KDM4C: variants seen among roughly 807,000 people sequenced by gnomAD.
KDM4C encodes the protein lysine demethylase 4C.
KDM4C carries 81 observed loss-of-function variants against 129.3 expected under a neutral mutation model. The observed-to-expected ratio is 0.63, with a 90% CI of 0.52 to 0.75. The LOEUF is 0.75. Ranked by LOEUF, KDM4C falls within the 30% of genes least tolerant of loss-of-function variation. The pLI, the probability that KDM4C is intolerant of heterozygous loss-of-function variation, is 0.00. For synonymous variants in KDM4C, 573 were observed against 456.1 expected, an observed-to-expected ratio of 1.26 and a Z score of -3.26; for missense variants, 1,457 against 1,304.0, an observed-to-expected ratio of 1.12 and a Z score of -1.81.
chr9:6,928,306 C>T (rs1256929195), intron 8 of KDM4C, among the ~76,000 whole-genome samples: 3 of 152,228 alleles, frequency 2.0e-5, no homozygotes, highest in Non-Finnish European at 2.9e-5. Flanking sequence ...GTCCTGAACT[C>T]GCCCCTCTTT....
intron 19 of KDM4C, among the ~76,000 whole-genome samples, chr9:7,142,052 C>T (rs903929589): frequency 2.6e-5 from 4 of 152,180 alleles, no homozygotes; most frequent in Non-Finnish European, 5.9e-5. Context: ...CATCTTGACA[C>T]ACGAACATTT....
intron 19 of KDM4C, among the ~76,000 whole-genome samples, chr9:7,129,323 A>G (rs543248207): frequency 2.6e-5 from 4 of 152,308 alleles, no homozygotes; most frequent in South Asian, 4.2e-4. Flanking sequence ...ACCTCTCTCT[A>G]TGCTGGTAAG....
chr9:6,919,594 G>T (rs1446559514), intron 8 of KDM4C, among the ~76,000 whole-genome samples: 3 of 141,154 alleles, frequency 2.1e-5, no homozygotes, highest in South Asian at 2.3e-4. Flanking sequence ...TATCTATCTA[G>T]GATGGAGTTT....
intron 17 of KDM4C, among the ~76,000 whole-genome samples, chr9:7,070,106 A>T (rs1484572099): frequency 6.6e-6 from 1 of 152,238 alleles, no homozygotes; most frequent in African/African-American, 2.4e-5. Flanking sequence ...TAGTTGTTAC[A>T]GTTTGGAAAC....
intron 19 of KDM4C, among the ~76,000 whole-genome samples, chr9:7,159,838 T>G (rs554872865): frequency 2.0e-5 from 3 of 152,196 alleles, no homozygotes; most frequent in African/African-American, 7.2e-5. Context: ...GGAGTATCTT[T>G]GTGGTGTTCT....
At chr9:6,949,778 C>T (rs753558573) in intron 8 of KDM4C, among the ~76,000 whole-genome samples, 4 of 152,150 alleles carry the variant, frequency 2.6e-5, no homozygotes, top group East Asian at 1.9e-4. Flanking sequence ...TTGCAGTGAG[C>T]GGAGATGGCA....
upstream of KDM4C, among the ~76,000 whole-genome samples, chr9:6,754,488 G>C (rs990946157): frequency 6.6e-6 from 1 of 152,066 alleles, no homozygotes; most frequent in Non-Finnish European, 1.5e-5. Flanking sequence ...GCTGAGATTA[G>C]AGGCATGAGC....
intron 21 of KDM4C, among the ~76,000 whole-genome samples, chr9:7,173,743 A>G (rs1188251597): frequency 1.3e-5 from 2 of 152,184 alleles, no homozygotes; most frequent in African/African-American, 4.8e-5. Flanking sequence ...TGTAGGAAGG[A>G]CAGCAATGAA....
At position 6,988,539 on chromosome 9, in the gene KDM4C, T is replaced by A. The variant is rs980948331; in HGVS notation, c.1677+1873T>A. ...ACTCCTAGATGTAATACAGCCCCAC[T>A]TAATTTTTGTGTAGTTTTGGTCAGT... On this transcript the variant is annotated intron_variant, in intron 11 of 21. Coordinates refer to ENST00000381309, the MANE Select transcript of KDM4C (RefSeq NM_015061.6). Among the ~76,000 whole-genome samples the A allele has an allele frequency of 1.2e-4, 19 of 152,144 alleles. 1 individual carries two copies. Among genetic ancestry groups the A allele is most frequent in the African/African-American group, 4.6e-4 (19 of 41,420 alleles).
intron 1 of KDM4C, among the ~76,000 whole-genome samples, chr9:6,773,497 C>T (rs775132841): frequency 2.6e-5 from 4 of 152,108 alleles, no homozygotes; most frequent in Admixed American, 6.5e-5. Context: ...ATAGGCCAGG[C>T]GTGGTGGCTC....
chr9:6,746,413 C>T lies in KDM4C; in HGVS notation c.49+25416C>T, dbSNP rs1027017047. Among the ~76,000 whole-genome samples, 209 of 150,930 alleles carry T rather than the reference C, an allele frequency of 1.4e-3. 3 individuals carry two copies. Among genetic ancestry groups the T allele is most frequent in the East Asian group, 1.4e-3 (7 of 5,022 alleles). On this transcript the variant is annotated intron_variant, in intron 1 of 17. Coordinates refer to the KDM4C transcript ENST00000536108. ...CCTCCCGAGTAGCTGGGACTACAGG[C>T]GCTCGCCACAACGCCCGGCTAATTT...
intron 8 of KDM4C, among the ~76,000 whole-genome samples, chr9:6,946,968 A>C (rs1827084540): frequency 6.6e-6 from 1 of 152,142 alleles, no homozygotes; most frequent in East Asian, 1.9e-4. Context: ...ATATTCCAGC[A>C]GCTCCTCTGA....
intron 1 of KDM4C, among the ~76,000 whole-genome samples, chr9:6,750,045 G>C (rs1157509828): frequency 6.7e-6 from 1 of 149,460 alleles, no homozygotes; most frequent in Non-Finnish European, 1.5e-5. Flanking sequence ...AAATGTACTT[G>C]CTGTGGTGTA....
At position 6,805,628 on chromosome 9, in the gene KDM4C, A is replaced by T; in HGVS notation, c.174A>T (p.Arg58Ser). 6.2e-7 allele frequency: 1 copy of T among 1,613,626 alleles called. No homozygotes were observed. The highest frequency in any genetic ancestry group is 2.2e-5 in the East Asian group (1 of 44,872). The change falls in exon 3 of 22, where the codon AGA becomes AGT. Residue 58 changes from arginine (R) to serine (S), a missense_variant. Transcript: ENST00000381309. ...TTCCTCCTAAGGAGTGGAAGCCAAGACAGTGCTATGATGACATTGATAATT... is the reference window on the plus strand; with the variant it reads ...TTCCTCCTAAGGAGTGGAAGCCAAGTCAGTGCTATGATGACATTGATAATT... ...KVIPPKEWKP[R>S]QCYDDIDNLL...
At chr9:6,770,862 G>A (rs1294636743) in intron 1 of KDM4C, among the ~76,000 whole-genome samples, 5 of 142,646 alleles carry the variant, frequency 3.5e-5, no homozygotes, top group Non-Finnish European at 7.5e-5. Context: ...TGCAACCTCT[G>A]CCTCCCCGGT....
At chr9:7,008,210 G>A (rs916697424) in intron 12 of KDM4C, among the ~76,000 whole-genome samples, 8 of 152,100 alleles carry the variant, frequency 5.3e-5, no homozygotes, top group African/African-American at 1.9e-4. Context: ...CCAATCTAAG[G>A]TCCGTTGCAG....
chr9:7,055,109 C>G (rs1275557462), intron 17 of KDM4C, among the ~76,000 whole-genome samples: 1 of 151,972 alleles, frequency 6.6e-6, no homozygotes, highest in African/African-American at 2.4e-5. Flanking sequence ...ACCTGGGAGG[C>G]GGAAGTTGCA....
chr9:7,076,401 T>C, intron 17 of KDM4C: 1 of 1,447,014 alleles, frequency 6.9e-7, no homozygotes, highest in Non-Finnish European at 9.5e-7. Flanking sequence ...ATCTGGCATA[T>C]TGGACTTTTA....
chr9:7,169,580 C>T (rs974420753), intron 20 of KDM4C, among the ~76,000 whole-genome samples: 4 of 152,180 alleles, frequency 2.6e-5, no homozygotes, highest in African/African-American at 9.7e-5. Context: ...GATCTGCCTG[C>T]CTCAGCCTCC....
Sources: allele counts gnomAD v4.1 joint callset (sites outside exome capture counted in the v4.1 genomes callset), GRCh38; gene constraint gnomAD v4.1.1; transcripts MANE v1.5; gene names NCBI Gene and HGNC (gene_info 2026-07-23, HGNC 2026-07-21).